The following PPM1A variants were observed in gnomAD, a reference collection of about 807,000 sequenced individuals.
PPM1A encodes the protein protein phosphatase, Mg2+/Mn2+ dependent 1A, also known as protein phosphatase 1A.
PPM1A carries 7 observed loss-of-function variants against 35.0 expected under a neutral mutation model. The ratio of observed to expected loss-of-function variants is 0.20; its 90% CI spans 0.11 to 0.38. The LOEUF is 0.38. Ranked by LOEUF, PPM1A falls within the 10% of genes least tolerant of loss-of-function variation. The pLI is 1.00. For synonymous variants in PPM1A, 153 were observed against 167.3 expected, an observed-to-expected ratio of 0.91 and a Z score of 0.66; for missense variants, 239 against 467.8, an observed-to-expected ratio of 0.51 and a Z score of 4.51.
Position 60,249,223 on chromosome 14 carries a change from A to AGGCGGCGGCGGCGGCGGCGGC in PPM1A, c.-458_-457insCGGCGGCGGCGGCGGCGGCGG, listed in dbSNP as rs537901136. Reference sequence around the variant, plus strand: ...GCGCGCCTGCGCGGGGCCGCGCTAGAGGCGGCGGCGGCGGCGGTGGCGGCG... The same window carrying AGGCGGCGGCGGCGGCGGCGGC: ...GCGCGCCTGCGCGGGGCCGCGCTAGAGGCGGCGGCGGCGGCGGCGGCGGCGGCGGCGGCGGCGGTGGCGGCG... On this transcript the variant is annotated 5_prime_UTR_variant, in exon 1 of 6. Transcript: ENST00000395076. The surrounding 1 kb of genome is among the most constrained non-coding windows in gnomAD (Gnocchi z 4.5). 2.0e-6 allele frequency: 2 copies of AGGCGGCGGCGGCGGCGGCGGC among 986,506 alleles called. No homozygotes were observed. The highest frequency in any genetic ancestry group is 3.5e-5 in the African/African-American group (2 of 56,530). 61.1% of individuals were successfully genotyped at this position (986,506 alleles called of 1,614,324 possible). A position where few individuals can be genotyped will look rare whatever the true frequency, so the allele number is the denominator to read the frequency against.
Position 60,294,625 on chromosome 14 carries a change from C to T in PPM1A, c.*2143C>T, listed in dbSNP as rs1887913070. The T allele has an allele frequency of 6.6e-6, 1 of 151,664 alleles. No homozygotes were observed. 9.4% of individuals were successfully genotyped at this position (151,664 alleles called of 1,614,324 possible). ...AGAAATTGCAAAACTTTGAACTGGA[C>T]TGTGTAATCTTTTGAGATGCAAAAC... On this transcript the variant is annotated 3_prime_UTR_variant, in exon 6 of 6. Transcript: ENST00000395076.
upstream of PPM1A, among the ~76,000 whole-genome samples, chr14:60,246,823 C>T (rs1041606634): frequency 2.0e-5 from 3 of 152,176 alleles, no homozygotes; most frequent in East Asian, 3.8e-4. Context: ...TAGGAAGGTG[C>T]TGCTTTATCG....
chr14:60,273,574 A>G lies in PPM1A; in HGVS notation c.-20-9110A>G, dbSNP rs1885410683. ...AAAGCCATTGAGAAACTTTTAGTAC[A>G]GAAGTGATATGGTGAAATTTGTATT... On this transcript the variant is annotated intron_variant, in intron 1 of 5. Transcript: ENST00000395076. The surrounding 1 kb of genome is among the most constrained non-coding windows in gnomAD (Gnocchi z 4.3). Among the ~76,000 whole-genome samples the G allele has an allele frequency of 6.6e-6, 1 of 152,170 alleles. No homozygotes were observed. Among genetic ancestry groups the G allele is most frequent in the East Asian group, 1.9e-4 (1 of 5,196 alleles).
chr14:60,271,640 G>C (rs1462106239), intron 1 of PPM1A, among the ~76,000 whole-genome samples: 2 of 152,180 alleles, frequency 1.3e-5, no homozygotes, highest in Non-Finnish European at 2.9e-5. Flanking sequence ...GAGGAAATAC[G>C]TGAAGGTCAA....
intron 1 of PPM1A, among the ~76,000 whole-genome samples, chr14:60,277,854 G>A (rs1885932394): frequency 1.3e-5 from 2 of 152,184 alleles, no homozygotes; most frequent in South Asian, 4.1e-4. Flanking sequence ...TACAGATGAG[G>A]AAGTTGAGGA....
rs1887412133 is a variant in PPM1A, at chr14:60,289,631, T to C, written c.953-175T>C. ...ATCTTATATGTCATTTTGTGCATTT[T>C]TTGTCATAAATCTTCAAAGGTCAAC... is the stretch of plus-strand genomic sequence containing the variant. On this transcript the variant is annotated intron_variant, in intron 3 of 5. Transcript: ENST00000395076. This position sits in a 1 kb window ranked among gnomAD's most constrained non-coding sequence, Gnocchi z 4.1. Among the ~76,000 whole-genome samples the C allele has an allele frequency of 6.6e-6, 1 of 152,190 alleles. No individual in the cohort carries two copies. Among genetic ancestry groups the C allele is most frequent in the African/African-American group, 2.4e-5 (1 of 41,450 alleles).
chr14:60,276,883 C>CT, intron 1 of PPM1A: 1 of 240,274 alleles, frequency 4.2e-6, no homozygotes, highest in East Asian at 1.3e-4. Context: ...TAATTAATGA[C>CT]TTCTTGGCCC....
chr14:60,283,168 G>C lies in PPM1A; in HGVS notation c.465G>C (p.Arg155Ser), dbSNP rs773629894. ...CAAGAGGTTTACTTTGTAGGAACAG[G>C]AAAGTTCATTTCTTCACACAAGATC... The part of the protein sequence containing the change: ...GDSRGLLCRN[R>S]KVHFFTQDHK... Residue 155 changes from arginine (R) to serine (S), a missense_variant, in exon 2 of 6, where the codon AGG (arginine) becomes AGC (serine). By Grantham distance (110) the Arg-to-Ser change is moderately radical. This residue lies in a region of PPM1A where 175 missense variants were observed against 389.2 expected (regional missense o/e 0.45). Coordinates refer to ENST00000395076, the MANE Select transcript of PPM1A (RefSeq NM_021003.5). This position sits in a 1 kb window ranked among gnomAD's most constrained non-coding sequence, Gnocchi z 6.3. 5.0e-6 allele frequency: 8 copies of C among 1,614,168 alleles called. No individual in the cohort carries two copies. In the Admixed American group the frequency reaches 1.3e-4, roughly 27 times the overall value.
intron 1 of PPM1A, among the ~76,000 whole-genome samples, chr14:60,257,396 TTCTGATGAA>T: frequency 6.6e-6 from 1 of 152,332 alleles, no homozygotes; most frequent in Admixed American, 6.5e-5. Context: ...CCTGTTCATT[TTCTGATGAA>T]CACATGACAG....
At chr14:60,255,646 G>C (rs1883032323) in intron 1 of PPM1A, among the ~76,000 whole-genome samples, 1 of 152,214 alleles carries the variant, frequency 6.6e-6, no homozygotes, top group Admixed American at 6.5e-5. Flanking sequence ...TGGAGTGAAA[G>C]TGATTGTTGT....
intron 1 of PPM1A, among the ~76,000 whole-genome samples, chr14:60,262,888 C>G (rs575195716): frequency 5.8e-4 from 88 of 152,286 alleles, no homozygotes; most frequent in African/African-American, 2.0e-3. Flanking sequence ...AAATGTTAAA[C>G]TTTACTACTA....
At chr14:60,251,859 A>T (rs1882464090) in intron 1 of PPM1A, among the ~76,000 whole-genome samples, 1 of 151,338 alleles carries the variant, frequency 6.6e-6, no homozygotes, top group Non-Finnish European at 1.5e-5. Flanking sequence ...GAGGATGGAG[A>T]TTTCATGGGA....
In PPM1A at chr14:60,289,657, C is replaced by T. The variant is rs1887417794; in HGVS notation, c.953-149C>T. On this transcript the variant is annotated intron_variant, in intron 3 of 5. Transcript: ENST00000395076. This position sits in a 1 kb window ranked among gnomAD's most constrained non-coding sequence, Gnocchi z 4.1. ...TTGTCATAAATCTTCAAAGGTCAACCTGATTTTTTTTTTTTTTAAATGATA... is the reference window on the plus strand; with the variant it reads ...TTGTCATAAATCTTCAAAGGTCAACTTGATTTTTTTTTTTTTTAAATGATA... The T allele has an allele frequency of 8.7e-6, 5 of 571,580 alleles. No homozygotes were observed. The highest frequency in any genetic ancestry group is 2.2e-5 in the South Asian group (1 of 44,690). 35.4% of individuals were successfully genotyped at this position (571,580 alleles called of 1,614,324 possible).
intron 1 of PPM1A, among the ~76,000 whole-genome samples, chr14:60,257,974 T>C (rs1883327935): frequency 2.0e-5 from 3 of 152,186 alleles, no homozygotes; most frequent in Admixed American, 2.0e-4. Context: ...TCTGACAGCC[T>C]GTAAGACTGT....
intron 1 of PPM1A, among the ~76,000 whole-genome samples, chr14:60,268,665 ATTTT>A (rs60921016): frequency 6.9e-6 from 1 of 145,900 alleles, no homozygotes; most frequent in East Asian, 2.0e-4. Flanking sequence ...CTAAGTGTGA[ATTTT>A]TTTTTTTCTA....
intron 4 of PPM1A, 55 bp from the exon 5 acceptor site, chr14:60,291,342 C>T (rs1887613514): frequency 8.0e-7 from 1 of 1,250,890 alleles, no homozygotes; most frequent in Admixed American, 2.1e-5. Context: ...CTATGAGTTA[C>T]TAAGCAATGT....
chr14:60,276,535 G>T (rs1885781770), intron 1 of PPM1A, among the ~76,000 whole-genome samples: 1 of 152,058 alleles, frequency 6.6e-6, no homozygotes, highest in African/African-American at 2.4e-5. Context: ...AATAACTCTG[G>T]TATTTGCTAA....
Position 60,282,954 on chromosome 14 carries a change from A to T in PPM1A, c.251A>T (p.Asp84Val), listed in dbSNP as rs1465062219. ...TTAGATCACATCACCAATAACCAGGATTTTAAAGGGTCTGCAGGAGCACCT... is the reference window on the plus strand; with the variant it reads ...TTAGATCACATCACCAATAACCAGGTTTTTAAAGGGTCTGCAGGAGCACCT... The part of the protein sequence containing the change: ...HLLDHITNNQ[D>V]FKGSAGAPSV... Residue 84 changes from aspartate to valine, a missense_variant, in exon 2 of 6, where the codon GAT (aspartate) becomes GTT (valine). Asp to Val is a radical substitution (Grantham distance 152). Coordinates refer to ENST00000395076, the MANE Select transcript of PPM1A (RefSeq NM_021003.5). The surrounding 1 kb of genome is among the most constrained non-coding windows in gnomAD (Gnocchi z 5.1). The T allele has an allele frequency of 6.2e-7, 1 of 1,614,108 alleles. No individual in the cohort carries two copies. Among genetic ancestry groups the T allele is most frequent in the Non-Finnish European group, 8.5e-7 (1 of 1,180,044 alleles).
At chr14:60,275,754 G>A (rs1885674260) in intron 1 of PPM1A, among the ~76,000 whole-genome samples, 1 of 151,802 alleles carries the variant, frequency 6.6e-6, no homozygotes, top group Non-Finnish European at 1.5e-5. Flanking sequence ...TTACAGGCAT[G>A]TGCCACCATG....
Sources: gnomAD v4.1 joint callset for allele counts (sites outside exome capture counted in the v4.1 genomes callset) on GRCh38, gnomAD v4.1.1 for gene constraint, gnomAD v4.1.1 regional missense constraint, Gnocchi (gnomAD v3.1) non-coding constraint, MANE v1.5 for transcripts, NCBI Gene and HGNC (gene_info 2026-07-23, HGNC 2026-07-21) for gene names.